The following WDR70 variants were observed in gnomAD, a reference collection of about 807,000 sequenced individuals.
The protein encoded by WDR70 is WD repeat-containing protein 70.
WDR70 carries 53 observed loss-of-function variants against 88.6 expected under a neutral mutation model. That is an observed-to-expected ratio of 0.60 (90% CI 0.48 to 0.75). The LOEUF (loss-of-function observed/expected upper bound fraction) is 0.75, where lower values mean the gene tolerates loss of function less well. Ranked by LOEUF, WDR70 falls within the 30% of genes least tolerant of loss-of-function variation. The pLI, the probability that WDR70 is intolerant of heterozygous loss-of-function variation, is 0.00. For synonymous variants in WDR70, 280 were observed against 270.0 expected (o/e 1.04, Z -0.36); for missense variants, 610 against 823.2 (o/e 0.74, Z 3.17).
intron 14 of WDR70, chr5:37,721,505 A>G (rs1407118716): frequency 2.2e-5 from 9 of 400,500 alleles, no homozygotes; most frequent in South Asian, 1.1e-4. Context: ...TTTGCATACC[A>G]CCCTGGACAG....
At chr5:37,518,175 A>G (rs976344830) in intron 9 of WDR70, among the ~76,000 whole-genome samples, 12 of 152,200 alleles carry the variant, frequency 7.9e-5, no homozygotes, top group Middle Eastern at 3.4e-3. Context: ...TTGGCCTCCC[A>G]AAGTGCTGGG....
chr5:37,627,476 G>GT (rs1191312010), intron 10 of WDR70, among the ~76,000 whole-genome samples: 10 of 151,496 alleles, frequency 6.6e-5, no homozygotes, highest in South Asian at 2.1e-4. Context: ...GGGTTTGTTT[G>GT]TTTTTTTTCT....
chr5:37,707,164 C>A (rs1747352899), intron 13 of WDR70, among the ~76,000 whole-genome samples: 1 of 152,072 alleles, frequency 6.6e-6, no homozygotes, highest in African/African-American at 2.4e-5. Context: ...ATAGAATTTT[C>A]TTTTTAACTA....
At chr5:37,542,396 C>T (rs1041907500) in intron 9 of WDR70, among the ~76,000 whole-genome samples, 3 of 151,838 alleles carry the variant, frequency 2.0e-5, no homozygotes, top group Non-Finnish European at 4.4e-5. Flanking sequence ...TCTCCTGCCT[C>T]AGCCTCCTGA....
chr5:37,634,332 A>C (rs1744901345), intron 10 of WDR70, among the ~76,000 whole-genome samples: 1 of 151,584 alleles, frequency 6.6e-6, no homozygotes, highest in Non-Finnish European at 1.5e-5. Flanking sequence ...AAAAAAAAAA[A>C]CCTAGTGCAT....
chr5:37,752,690 A>AT lies in WDR70; in HGVS notation c.*119dup. On this transcript the variant is annotated 3_prime_UTR_variant, in exon 18 of 18. Transcript: ENST00000265107. ...TTTATGAACAGGTTTTGTCCTTTGC[A>AT]TTATTGAACTGGTCAAAAGTTTGGT... 1.3e-6 allele frequency: 1 copy of AT among 769,434 alleles called. No homozygotes were observed. The highest frequency in any genetic ancestry group is 1.8e-5 in the South Asian group (1 of 55,602). 47.7% of individuals were successfully genotyped at this position (769,434 alleles called of 1,614,324 possible). A position where few individuals can be genotyped will look rare whatever the true frequency, so the allele number is the denominator to read the frequency against.
intron 7 of WDR70, among the ~76,000 whole-genome samples, chr5:37,456,349 T>C (rs1738840241): frequency 6.6e-6 from 1 of 152,194 alleles, no homozygotes. Flanking sequence ...TGATGATTAG[T>C]GATATTGAGC....
chr5:37,666,388 G>C (rs1356005871), intron 10 of WDR70, among the ~76,000 whole-genome samples: 1 of 152,200 alleles, frequency 6.6e-6, no homozygotes, highest in African/African-American at 2.4e-5. Context: ...GTTAGTAACT[G>C]TGCTATTTGC....
intron 10 of WDR70, among the ~76,000 whole-genome samples, chr5:37,640,664 A>G (rs2112541117): frequency 1.3e-5 from 2 of 152,334 alleles, no homozygotes; most frequent in East Asian, 1.9e-4. Flanking sequence ...TAACTTCAGT[A>G]AATTTTAAAT....
intron 9 of WDR70, among the ~76,000 whole-genome samples, chr5:37,528,103 A>G (rs767821479): frequency 6.6e-5 from 10 of 152,226 alleles, no homozygotes; most frequent in Non-Finnish European, 1.2e-4. Flanking sequence ...TAGAAACAGC[A>G]TTTGACCCAG....
rs549723410 is a variant in WDR70, at chr5:37,732,410, A to G, written c.1877+5365A>G. 2.0e-5 allele frequency among the ~76,000 whole-genome samples: 3 copies of G among 152,268 alleles called. No homozygotes were observed. The South Asian group carries it at 6.2e-4, about 32-fold the overall frequency. ...CTATATTGTACTTCTATAAAAAACT[A>G]TACCCTCTTGAATGACAGTTATGTT... On this transcript the variant is annotated intron_variant, in intron 17 of 17. Transcript: ENST00000265107.
At chr5:37,563,540 C>G (rs1742609973) in intron 9 of WDR70, among the ~76,000 whole-genome samples, 1 of 62,898 alleles carries the variant, frequency 1.6e-5, no homozygotes, top group African/African-American at 5.5e-5. Context: ...GATGGGGCGG[C>G]TGGCCGGGCG....
At chr5:37,507,313 A>G (rs957671699) in intron 8 of WDR70, among the ~76,000 whole-genome samples, 24 of 152,160 alleles carry the variant, frequency 1.6e-4, no homozygotes, top group African/African-American at 5.6e-4. Context: ...AAGTTCAGGT[A>G]TTTGAGGTAT....
At chr5:37,613,178 T>C (rs1347518602) in intron 10 of WDR70, among the ~76,000 whole-genome samples, 1 of 152,216 alleles carries the variant, frequency 6.6e-6, no homozygotes, top group African/African-American at 2.4e-5. Context: ...TTTAAAAATA[T>C]GGATGATTAT....
At chr5:37,421,895 C>G (rs1581265927) in intron 5 of WDR70, among the ~76,000 whole-genome samples, 1 of 151,446 alleles carries the variant, frequency 6.6e-6, no homozygotes. Context: ...GAAATTCTCC[C>G]TCTCTCTTGG....
At chr5:37,447,828 C>T (rs781760164) in intron 7 of WDR70, among the ~76,000 whole-genome samples, 6 of 152,106 alleles carry the variant, frequency 3.9e-5, no homozygotes, top group Non-Finnish European at 7.3e-5. Flanking sequence ...AGGAGATATA[C>T]CTAGTGTAAA....
chr5:37,390,716 T>TG (rs1034186058), intron 3 of WDR70, among the ~76,000 whole-genome samples: 7 of 134,446 alleles, frequency 5.2e-5, no homozygotes, highest in South Asian at 2.3e-4. Flanking sequence ...AAAAAAGTGC[T>TG]GTTTTTTTTT....
intron 5 of WDR70, among the ~76,000 whole-genome samples, chr5:37,434,035 A>G (rs1750392971): frequency 6.6e-6 from 1 of 152,196 alleles, no homozygotes; most frequent in Admixed American, 6.5e-5. Context: ...AAGACTGGAT[A>G]ATTTGTAAAG....
At chr5:37,561,829 G>A (rs954549388) in intron 9 of WDR70, among the ~76,000 whole-genome samples, 1 of 152,144 alleles carries the variant, frequency 6.6e-6, no homozygotes. Context: ...ATCTGAAATT[G>A]TAAGCAGTTT....
Sources: gnomAD v4.1 joint callset for allele counts (sites outside exome capture counted in the v4.1 genomes callset) on GRCh38, gnomAD v4.1.1 for gene constraint, MANE v1.5 for transcripts, NCBI Gene and HGNC (gene_info 2026-07-23, HGNC 2026-07-21) for gene names.